Variants in TICRR observed in about 807,000 individuals in gnomAD.
The protein encoded by TICRR is treslin.
In TICRR, 132 loss-of-function variants were observed where a neutral mutation model predicts 178.1. The observed-to-expected ratio is 0.74, with a 90% CI of 0.64 to 0.86. The LOEUF (loss-of-function observed/expected upper bound fraction) is 0.86. TICRR is among the 40% of genes least tolerant of loss of function. The probability of loss-of-function intolerance (pLI) is 0.00; values close to 1 mark genes in which losing one functional copy is unlikely to be tolerated. For synonymous variants in TICRR, 991 were observed against 900.7 expected, an observed-to-expected ratio of 1.10 and a Z score of -1.79; for missense variants, 2,587 against 2,334.3, an observed-to-expected ratio of 1.11 and a Z score of -2.23.
Position 89,621,418 on chromosome 15 carries a change from A to T in TICRR, c.3180A>T (p.Gln1060His). ...KSDQRENSPV[Q>H]SIRSPKSLLF... Reference sequence around the variant, plus strand: ...ACCAAAGAGAAAATTCTCCAGTCCAAAGTATTCGGTCTCCCAAGAGTCTTC... The same window carrying T: ...ACCAAAGAGAAAATTCTCCAGTCCATAGTATTCGGTCTCCCAAGAGTCTTC... The change falls in exon 19 of 22, where the codon CAA (glutamine) becomes CAT (histidine). Residue 1060 changes from glutamine (Q) to histidine (H), a missense_variant. Coordinates refer to ENST00000268138, the MANE Select transcript of TICRR (RefSeq NM_152259.4). The T allele has an allele frequency of 6.2e-7, 1 of 1,605,576 alleles. No homozygotes were observed. The highest frequency in any genetic ancestry group is 8.5e-7 in the Non-Finnish European group (1 of 1,178,054).
At chr15:89,577,116 C>T (rs1962637272) in intron 1 of TICRR, among the ~76,000 whole-genome samples, 1 of 151,806 alleles carries the variant, frequency 6.6e-6, no homozygotes, top group Non-Finnish European at 1.5e-5. Flanking sequence ...TGGTCTCAAA[C>T]TCTGGCCTCA....
In TICRR at chr15:89,601,581, G is replaced by A; in HGVS notation, c.2327+13G>A. On this transcript the variant is annotated intron_variant, in intron 11 of 21. Coordinates refer to ENST00000268138, the MANE Select transcript of TICRR (RefSeq NM_152259.4). ...AAATTTTGAGATTGTAAGTTTGATG[G>A]TTACTAACTTAACTTTAAAATTGTT... is the stretch of plus-strand genomic sequence containing the variant. 6.2e-7 allele frequency: 1 copy of A among 1,612,790 alleles called. No individual in the cohort carries two copies. Among genetic ancestry groups the A allele is most frequent in the Admixed American group, 1.7e-5 (1 of 60,020 alleles).
At chr15:89,592,614 C>T (rs1283369572) in intron 5 of TICRR, among the ~76,000 whole-genome samples, 4 of 152,016 alleles carry the variant, frequency 2.6e-5, no homozygotes, top group African/African-American at 7.2e-5. Context: ...AGAAAGTAAC[C>T]TCCACCCTAC....
Position 89,576,072 on chromosome 15 carries a change from C to G in TICRR, c.486C>G (p.His162Gln). The G allele has an allele frequency of 1.2e-6, 2 of 1,612,142 alleles. No homozygotes were observed. Among genetic ancestry groups the G allele is most frequent in the Non-Finnish European group, 1.7e-6 (2 of 1,179,866 alleles). Residue 162 changes from histidine (H) to glutamine (Q), a missense_variant, in exon 1 of 22, where the codon CAC (histidine) becomes CAG (glutamine). Physicochemically the swap from His to Gln is conservative, Grantham distance 24. Transcript: ENST00000268138. ...TCTTCCTCCTGGCCCCCTGTCCGCA[C>G]TCGCAGAGGGAGCTGCTGCAGTTCG... ...NAVFLLAPCP[H>Q]SQRELLQFVS...
intron 18 of TICRR, among the ~76,000 whole-genome samples, chr15:89,620,661 T>G (rs938386931): frequency 6.6e-6 from 1 of 152,124 alleles, no homozygotes; most frequent in African/African-American, 2.4e-5. Context: ...CCCGAGTTGC[T>G]CTCAAAAATT....
chr15:89,588,693 G>A (rs1461919904), intron 4 of TICRR, among the ~76,000 whole-genome samples: 1 of 152,122 alleles, frequency 6.6e-6, no homozygotes, highest in Non-Finnish European at 1.5e-5. Context: ...CAGAGGTGAG[G>A]AATTCAAGGG....
intron 1 of TICRR, among the ~76,000 whole-genome samples, chr15:89,576,557 T>C (rs1269882493): frequency 6.6e-6 from 1 of 152,122 alleles, no homozygotes; most frequent in Non-Finnish European, 1.5e-5. Context: ...TTTTGTGTTA[T>C]GTGTGTTGTT....
chr15:89,598,576 C>G (rs1464672662), intron 7 of TICRR, among the ~76,000 whole-genome samples: 1 of 151,480 alleles, frequency 6.6e-6, no homozygotes, highest in Non-Finnish European at 1.5e-5. Context: ...GTTGGCCAGG[C>G]TGGTCTTGAA....
intron 15 of TICRR, among the ~76,000 whole-genome samples, chr15:89,611,613 G>A (rs1963257682): frequency 6.6e-6 from 1 of 151,896 alleles, no homozygotes; most frequent in African/African-American, 2.4e-5. Context: ...CATGATATAT[G>A]TGTTGGTACA....
intron 13 of TICRR, among the ~76,000 whole-genome samples, chr15:89,606,039 CAT>C (rs1162598467): frequency 4.6e-5 from 7 of 152,082 alleles, no homozygotes; most frequent in Admixed American, 1.3e-4. Context: ...AAAGTTAAAA[CAT>C]ATAAAGTTAA....
intron 14 of TICRR, among the ~76,000 whole-genome samples, chr15:89,607,357 G>A (rs964809907): frequency 7.9e-5 from 12 of 152,114 alleles, no homozygotes; most frequent in African/African-American, 2.7e-4. Context: ...GTGAACAGTT[G>A]TTTGCAATTT....
rs748950628 is a variant in TICRR, at chr15:89,625,459, G to A, written c.5149G>A (p.Glu1717Lys). The A allele has an allele frequency of 7.4e-6, 12 of 1,613,868 alleles. No homozygotes were observed. In the African/African-American group the frequency reaches 1.2e-4, roughly 16 times the overall value. The change falls in exon 20 of 22, where the codon GAG becomes AAG. Residue 1717 changes from glutamate to lysine, a missense_variant. Glu to Lys is a moderately conservative substitution (Grantham distance 56). Transcript: ENST00000268138. Reference protein sequence around the residue: ...ADLPGSLSLLESEGKDHGLEL... With the variant: ...ADLPGSLSLLKSEGKDHGLEL... ...CCTTCCTGGGAGCCTGTCACTGCTT[G>A]AGTCAGAGGGCAAGGACCACGGCCT...
intron 15 of TICRR, among the ~76,000 whole-genome samples, chr15:89,609,480 C>T (rs2141971270): frequency 6.6e-6 from 1 of 151,224 alleles, no homozygotes; most frequent in East Asian, 2.0e-4. Flanking sequence ...TTTTCTTTGT[C>T]TTTTTTTTGA....
intron 8 of TICRR, 151 bp from the exon 9 acceptor site, chr15:89,600,434 A>G (rs1963074291): frequency 2.2e-6 from 1 of 444,986 alleles, no homozygotes; most frequent in Non-Finnish European, 4.0e-6. Context: ...TTTTAAAGAT[A>G]TAAAAGAAGA....
Position 89,585,736 on chromosome 15 carries a change from G to A in TICRR, c.1205G>A (p.Arg402Gln), listed in dbSNP as rs139431492. 1.2e-6 allele frequency: 2 copies of A among 1,614,048 alleles called. No homozygotes were observed. Among genetic ancestry groups the A allele is most frequent in the African/African-American group, 1.3e-5 (1 of 75,012 alleles). ...GCTGATGTGGACCCTGGTGAAGGCCGGCCCCCCATCACTGGAGTTATTTCC... is the reference window on the plus strand; with the variant it reads ...GCTGATGTGGACCCTGGTGAAGGCCAGCCCCCCATCACTGGAGTTATTTCC... ...LVADVDPGEGRPPITGVISPL... is the reference protein window; with the variant it reads ...LVADVDPGEGQPPITGVISPL... The change falls in exon 4 of 22, where the codon CGG (arginine) becomes CAG (glutamine). Residue 402 changes from arginine (R) to glutamine (Q), a missense_variant. Physicochemically the swap from Arg to Gln is conservative, Grantham distance 43. Transcript: ENST00000268138.
intron 1 of TICRR, among the ~76,000 whole-genome samples, chr15:89,581,237 T>C (rs138190441): frequency 6.7e-4 from 102 of 152,282 alleles, no homozygotes; most frequent in African/African-American, 2.2e-3. Flanking sequence ...TTATAATTTA[T>C]AATTGTTACC....
At chr15:89,617,438 T>C (rs1276022561) in intron 16 of TICRR, among the ~76,000 whole-genome samples, 1 of 152,208 alleles carries the variant, frequency 6.6e-6, no homozygotes, top group Non-Finnish European at 1.5e-5. Flanking sequence ...TTGGTATAAT[T>C]TTTTAATATA....
In TICRR at chr15:89,592,176, G is replaced by A; in HGVS notation, c.1541G>A (p.Gly514Glu). The A allele has an allele frequency of 1.2e-6, 2 of 1,609,318 alleles. No individual in the cohort carries two copies. The highest frequency in any genetic ancestry group is 1.7e-6 in the Non-Finnish European group (2 of 1,176,486). Residue 514 changes from glycine (G) to glutamate (E), a missense_variant and splice_region_variant, in exon 5 of 22, where the codon GGG (glycine) becomes GAG (glutamate). Physicochemically the swap from Gly to Glu is moderately conservative, Grantham distance 98. Coordinates refer to ENST00000268138, the MANE Select transcript of TICRR (RefSeq NM_152259.4). ...AGTTCCGATTTGATGGAGTCATTTG[G>A]GTAAAACGTTTTTATATCTCTTGAA... Reference protein sequence around the residue: ...GASSDLMESFGLLQAASANKE... With the variant: ...GASSDLMESFELLQAASANKE...
rs759125274 is a variant in TICRR at position 89,585,837 on chromosome 15, A to C, written c.1306A>C (p.Thr436Pro). The C allele has an allele frequency of 1.2e-6, 2 of 1,614,080 alleles. No individual in the cohort carries two copies. Among genetic ancestry groups the C allele is most frequent in the South Asian group, 1.1e-5 (1 of 91,062 alleles). ...EAEFQRHVLQ[T>P]AVADSPRDTA... is the part of the protein sequence containing the mutation. ...TGAATTTCAACGACATGTTCTCCAA[A>C]CAGCTGTGGCTGACAGCCCCCGGGA... The change falls in exon 4 of 22, where the codon ACA becomes CCA. Residue 436 changes from threonine (T) to proline (P), a missense_variant. Thr to Pro is a conservative substitution (Grantham distance 38). Transcript: ENST00000268138.
Sources: allele counts gnomAD v4.1 joint callset (sites outside exome capture counted in the v4.1 genomes callset), GRCh38; gene constraint gnomAD v4.1.1; transcripts MANE v1.5; gene names NCBI Gene and HGNC (gene_info 2026-07-23, HGNC 2026-07-21).